ADAMTS19: variants seen among roughly 807,000 people sequenced by gnomAD.
ADAMTS19 encodes A disintegrin and metalloproteinase with thrombospondin motifs 19.
A neutral mutation model predicts 153.3 loss-of-function variants in ADAMTS19; 93 were observed. The observed-to-expected ratio is 0.61, with a 90% confidence interval of 0.51 to 0.72. The LOEUF (loss-of-function observed/expected upper bound fraction) is 0.72, where lower values mean the gene tolerates loss of function less well. Among genes scored for constraint, ADAMTS19 ranks in the 30% least tolerant of loss-of-function variants. The pLI is 0.00. For synonymous variants in ADAMTS19, 600 were observed against 556.6 expected (o/e 1.08, Z -1.10); for missense variants, 1,482 against 1,552.1 (o/e 0.95, Z 0.76).
chr5:129,577,217 T>A (rs527282613), intron 7 of ADAMTS19, among the ~76,000 whole-genome samples: 2 of 152,232 alleles, frequency 1.3e-5, no homozygotes, highest in Admixed American at 1.3e-4. Flanking sequence ...ATTTTCAAAT[T>A]TTTTATTGCT....
intron 14 of ADAMTS19, among the ~76,000 whole-genome samples, chr5:129,655,610 T>C (rs1472017619): frequency 1.3e-5 from 2 of 152,170 alleles, no homozygotes; most frequent in Non-Finnish European, 2.9e-5. Flanking sequence ...GAATTTTTTT[T>C]TCCTCGTAAA....
chr5:129,728,384 T>C (rs1223077784), intron 21 of ADAMTS19, among the ~76,000 whole-genome samples: 3 of 152,150 alleles, frequency 2.0e-5, no homozygotes, highest in Non-Finnish European at 4.4e-5. Flanking sequence ...AATTATACTT[T>C]AAGTTTTAGG....
rs1434075578 is a variant in ADAMTS19 at position 129,461,229 on chromosome 5, G to GGGC, written c.225_227dup (p.Gly76dup). Reference sequence around the variant, plus strand: ...ACCCGGGCTGGGTGCGCGGCGTTGGGGGCGGCGGAAGCGCCCGGGCGCAGG... The same window carrying GGGC: ...ACCCGGGCTGGGTGCGCGGCGTTGGGGGCGGCGGCGGAAGCGCCCGGGCGCAGG... On this transcript the variant is annotated inframe_insertion, in exon 2 of 23. Transcript: ENST00000274487. The surrounding 1 kb of genome is among the most constrained non-coding windows in gnomAD (Gnocchi z 4.6). The GGGC allele has an allele frequency of 7.9e-7, 1 of 1,269,100 alleles. No individual in the cohort carries two copies. The highest frequency in any genetic ancestry group is 1.6e-5 in the African/African-American group (1 of 64,268). 78.6% of individuals were successfully genotyped at this position (1,269,100 alleles called of 1,614,324 possible).
intron 6 of ADAMTS19, among the ~76,000 whole-genome samples, chr5:129,533,535 A>G (rs758327478): frequency 2.6e-5 from 4 of 152,076 alleles, no homozygotes; most frequent in Non-Finnish European, 5.9e-5. Context: ...TGGTCTTTTC[A>G]AAAACCCAGC....
intron 8 of ADAMTS19, among the ~76,000 whole-genome samples, chr5:129,608,112 G>GTATATATA (rs1219945367): frequency 1.3e-4 from 4 of 31,842 alleles, no homozygotes; most frequent in Admixed American, 7.6e-4. Context: ...GTGTGTGTGT[G>GTATATATA]TGTGTATATA....
Position 129,658,291 on chromosome 5 carries a change from A to AAAAG in ADAMTS19, c.2305-310_2305-307dup, listed in dbSNP as rs200815602. 4.3e-4 allele frequency among the ~76,000 whole-genome samples: 54 copies of AAAAG among 126,178 alleles called. 1 individual carries two copies. Among genetic ancestry groups the AAAAG allele is most frequent in the African/African-American group, 1.4e-3 (41 of 28,892 alleles). 82.8% of individuals were successfully genotyped at this position (126,178 alleles called of 152,430 possible). On this transcript the variant is annotated intron_variant, in intron 14 of 22. Coordinates refer to ENST00000274487, the MANE Select transcript of ADAMTS19 (RefSeq NM_133638.6). ...ACAGAACCAGACCCCATCTGAAAGA[A>AAAAG]AAAGAAAGAAAGAAAGAAAAAGAAA...
In ADAMTS19 at chr5:129,665,001, C is replaced by T. The variant is rs1203983160; in HGVS notation, c.2426-498C>T. ...TGTCTCCGGCATCGGTTTCAAAACC[C>T]TTTGTTAATATCCTCCAGAAAATGC... On this transcript the variant is annotated intron_variant, in intron 15 of 22. Coordinates refer to ENST00000274487, the MANE Select transcript of ADAMTS19 (RefSeq NM_133638.6). Among the ~76,000 whole-genome samples the T allele has an allele frequency of 5.3e-5, 8 of 152,096 alleles. 1 individual carries two copies. Among genetic ancestry groups the T allele is most frequent in the Admixed American group, 5.2e-4 (8 of 15,254 alleles).
At chr5:129,606,609 T>C (rs889793784) in intron 8 of ADAMTS19, among the ~76,000 whole-genome samples, 1 of 152,214 alleles carries the variant, frequency 6.6e-6, no homozygotes, top group East Asian at 1.9e-4. Context: ...CAGAAAACTT[T>C]ATTGCCTTTC....
chr5:129,541,892 A>G (rs899600287), intron 6 of ADAMTS19, among the ~76,000 whole-genome samples: 3 of 152,130 alleles, frequency 2.0e-5, no homozygotes, highest in African/African-American at 7.2e-5. Flanking sequence ...ATGTTCTCAT[A>G]AATATTTGAT....
In ADAMTS19 at chr5:129,672,113, G is replaced by A. The variant is rs191087052; in HGVS notation, c.2506+6534G>A. On this transcript the variant is annotated intron_variant, in intron 16 of 22. Coordinates refer to ENST00000274487, the MANE Select transcript of ADAMTS19 (RefSeq NM_133638.6). The stretch of plus-strand genomic sequence containing the variant: ...GGCTTCTGGTGAGGGCCTTCCTTCT[G>A]AATTGCATACTGCCGACTTCTAGCT... Among the ~76,000 whole-genome samples, 69 of 152,144 alleles carry A rather than the reference G, an allele frequency of 4.5e-4. 1 individual carries two copies. Among genetic ancestry groups the A allele is most frequent in the Admixed American group, 3.9e-3 (60 of 15,276 alleles).
chr5:129,578,908 G>T (rs973160492), intron 7 of ADAMTS19, among the ~76,000 whole-genome samples: 7 of 152,094 alleles, frequency 4.6e-5, no homozygotes, highest in African/African-American at 1.7e-4. Flanking sequence ...ACATACGTGT[G>T]CATGTGTCTT....
intron 16 of ADAMTS19, among the ~76,000 whole-genome samples, chr5:129,679,372 G>T (rs1229950784): frequency 6.6e-6 from 1 of 152,214 alleles, no homozygotes; most frequent in Non-Finnish European, 1.5e-5. Context: ...GAGAGACAGA[G>T]CATGTATGAG....
intron 21 of ADAMTS19, among the ~76,000 whole-genome samples, chr5:129,717,260 A>T (rs990687514): frequency 6.6e-5 from 10 of 152,328 alleles, no homozygotes; most frequent in African/African-American, 2.4e-4. Context: ...AGCAAAAAAA[A>T]TTTAAAAAGT....
chr5:129,493,100 G>A (rs1441191948), intron 2 of ADAMTS19, among the ~76,000 whole-genome samples: 1 of 152,148 alleles, frequency 6.6e-6, no homozygotes, highest in Non-Finnish European at 1.5e-5. Context: ...TACAAGAAGT[G>A]TAATTTGTGA....
intron 2 of ADAMTS19, among the ~76,000 whole-genome samples, chr5:129,497,341 G>T (rs935528748): frequency 1.3e-5 from 2 of 151,858 alleles, no homozygotes; most frequent in Admixed American, 1.3e-4. Flanking sequence ...TTGATCTTAG[G>T]CCCTGTTCTG....
Position 129,673,688 on chromosome 5 carries a change from CT to C in ADAMTS19, c.2507-6069del. Among the ~76,000 whole-genome samples the C allele has an allele frequency of 2.6e-5, 4 of 152,100 alleles. No homozygotes were observed. In the South Asian group the frequency reaches 8.3e-4, roughly 32 times the overall value. On this transcript the variant is annotated intron_variant, in intron 16 of 22. Transcript: ENST00000274487. Reference sequence around the variant, plus strand: ...CTTCTATATTCTTACTGATACTCATCTTTTTTTCAGTTAAGTATTGAAATTT... The same window carrying C: ...CTTCTATATTCTTACTGATACTCATCTTTTTTCAGTTAAGTATTGAAATTT...
intron 21 of ADAMTS19, among the ~76,000 whole-genome samples, chr5:129,715,617 AGAAAG>A (rs1188421065): frequency 2.6e-5 from 4 of 152,196 alleles, no homozygotes; most frequent in African/African-American, 4.8e-5. Flanking sequence ...GTGGGAGGTA[AGAAAG>A]CAGGAGGTGT....
intron 2 of ADAMTS19, among the ~76,000 whole-genome samples, chr5:129,475,024 C>G (rs182386373): frequency 9.4e-4 from 142 of 151,866 alleles, no homozygotes; most frequent in African/African-American, 3.3e-3. Context: ...TGTTTTCTTC[C>G]AGTCTCTCGC....
At position 129,528,664 on chromosome 5, in the gene ADAMTS19, A is replaced by G; in HGVS notation, c.1315A>G (p.Ile439Val). The change falls in exon 6 of 23, where the codon ATA becomes GTA. Residue 439 changes from isoleucine (I) to valine (V), a missense_variant. This residue lies in a region of ADAMTS19 where 866 missense variants were observed against 827.7 expected (regional missense o/e 1.05). Coordinates refer to ENST00000274487, the MANE Select transcript of ADAMTS19 (RefSeq NM_133638.6). ...GEDMTSVDAAILITRKDFCVH... is the reference protein window; with the variant it reads ...GEDMTSVDAAVLITRKDFCVH... ...AGACATGACTTCAGTGGATGCAGCT[A>G]TACTTATAACAAGGTAAATTTTCCA... 1.3e-6 allele frequency: 2 copies of G among 1,593,688 alleles called. No homozygotes were observed. The highest frequency in any genetic ancestry group is 1.7e-6 in the Non-Finnish European group (2 of 1,171,656).
Sources: allele counts gnomAD v4.1 joint callset (sites outside exome capture counted in the v4.1 genomes callset), GRCh38; gene constraint gnomAD v4.1.1; regional missense constraint gnomAD v4.1.1; non-coding constraint Gnocchi (gnomAD v3.1); transcripts MANE v1.5; gene names NCBI Gene and HGNC (gene_info 2026-07-23, HGNC 2026-07-21).